KCND3: variants seen among roughly 807,000 people sequenced by gnomAD.
KCND3 encodes potassium voltage-gated channel subfamily D member 3.
In KCND3, 9 loss-of-function variants were observed where a neutral mutation model predicts 51.1. That is an observed-to-expected ratio of 0.18 (90% CI 0.11 to 0.31). The LOEUF is 0.31. Ranked by LOEUF, KCND3 falls within the 10% of genes least tolerant of loss-of-function variation. The pLI, the probability that KCND3 is intolerant of heterozygous loss-of-function variation, is 1.00. For synonymous variants in KCND3, 349 were observed against 368.0 expected, an observed-to-expected ratio of 0.95 and a Z score of 0.59; for missense variants, 526 against 903.8, an observed-to-expected ratio of 0.58 and a Z score of 5.36.
intron 2 of KCND3, among the ~76,000 whole-genome samples, chr1:111,952,313 C>T (rs958966834): frequency 6.6e-6 from 1 of 152,200 alleles, no homozygotes; most frequent in African/African-American, 2.4e-5. Flanking sequence ...CCAACCCTTG[C>T]AGGGCAGGGC....
intron 2 of KCND3, among the ~76,000 whole-genome samples, chr1:111,830,134 AACAGAAACCTCTGTTC>A (rs745560210): frequency 1.1e-3 from 168 of 152,304 alleles, no homozygotes; most frequent in Non-Finnish European, 1.8e-3. Context: ...GCTCTATGAG[AACAGAAACCTCTGTTC>A]ACTGTTATTC....
intron 1 of KCND3, among the ~76,000 whole-genome samples, chr1:111,985,786 C>T (rs1163698501): frequency 6.6e-6 from 1 of 152,204 alleles, no homozygotes; most frequent in Non-Finnish European, 1.5e-5. Flanking sequence ...TGTCACAGGT[C>T]CCTTCTCTCC....
In KCND3 at chr1:111,770,851, C is replaced by A. The variant is rs1468269971; in HGVS notation, c.*5226G>T. The stretch of plus-strand genomic sequence containing the variant: ...AAAGTTTTCATGTTTTATCTTCCTG[C>A]AGTTTTGTACAGTATATTTCTTCTT... On this transcript the variant is annotated 3_prime_UTR_variant, in exon 8 of 8. Transcript: ENST00000302127. 6.6e-6 allele frequency: 1 copy of A among 151,702 alleles called. No individual in the cohort carries two copies. The highest frequency in any genetic ancestry group is 2.4e-5 in the African/African-American group (1 of 41,346). 9.4% of individuals were successfully genotyped at this position (151,702 alleles called of 1,614,324 possible).
At chr1:111,891,262 G>A (rs1259833741) in intron 2 of KCND3, among the ~76,000 whole-genome samples, 1 of 152,156 alleles carries the variant, frequency 6.6e-6, no homozygotes, top group African/African-American at 2.4e-5. Flanking sequence ...GGAAGAGAAT[G>A]GGCAAGAGAT....
intron 2 of KCND3, among the ~76,000 whole-genome samples, chr1:111,954,239 C>T (rs1404127738): frequency 6.6e-6 from 1 of 152,216 alleles, no homozygotes; most frequent in Non-Finnish European, 1.5e-5. Context: ...CTCCCCTCAA[C>T]TGTCCAGTTT....
At chr1:111,960,282 T>A (rs917602080) in intron 2 of KCND3, among the ~76,000 whole-genome samples, 1 of 152,164 alleles carries the variant, frequency 6.6e-6, no homozygotes, top group Non-Finnish European at 1.5e-5. Context: ...CCCATGTAAA[T>A]GCTTCAGGGC....
chr1:111,919,036 C>T (rs1211754246), intron 2 of KCND3, among the ~76,000 whole-genome samples: 1 of 151,636 alleles, frequency 6.6e-6, no homozygotes, highest in African/African-American at 2.4e-5. Flanking sequence ...GCTGTGCTAG[C>T]CCCAGAGCCT....
chr1:111,935,193 T>C (rs1296762503), intron 2 of KCND3, among the ~76,000 whole-genome samples: 11 of 152,236 alleles, frequency 7.2e-5, no homozygotes, highest in African/African-American at 1.9e-4. Flanking sequence ...GTCACTGCCA[T>C]TGGGAACCTT....
intron 2 of KCND3, among the ~76,000 whole-genome samples, chr1:111,931,383 T>C (rs1671962126): frequency 6.6e-6 from 1 of 152,162 alleles, no homozygotes; most frequent in African/African-American, 2.4e-5. Context: ...CAACAGGATG[T>C]GGAAGGAGTC....
chr1:111,961,418 T>C (rs1233411343), intron 2 of KCND3, among the ~76,000 whole-genome samples: 1 of 152,120 alleles, frequency 6.6e-6, no homozygotes, highest in Non-Finnish European at 1.5e-5. Flanking sequence ...TGGAGGCTGG[T>C]GTGATGGGGA....
chr1:111,940,073 G>GTTTTTTTTTTTT (rs61088602), intron 2 of KCND3, among the ~76,000 whole-genome samples: 40 of 85,462 alleles, frequency 4.7e-4, no homozygotes, highest in African/African-American at 6.1e-4. Context: ...CTTTTTGATG[G>GTTTTTTTTTTTT]TTTTTTTTTT....
At chr1:111,960,880 G>A (rs936241473) in intron 2 of KCND3, among the ~76,000 whole-genome samples, 13 of 152,154 alleles carry the variant, frequency 8.5e-5, no homozygotes, top group African/African-American at 3.1e-4. Flanking sequence ...GAGGCCTGGG[G>A]CCATGGCAGT....
intron 2 of KCND3, among the ~76,000 whole-genome samples, chr1:111,865,356 C>G (rs116353465): frequency 6.6e-6 from 1 of 152,152 alleles, no homozygotes; most frequent in Admixed American, 6.5e-5. Context: ...TTTTGAGGAC[C>G]TTCACAGAAA....
intron 1 of KCND3, among the ~76,000 whole-genome samples, chr1:111,985,363 A>G (rs1026374173): frequency 6.6e-6 from 1 of 152,232 alleles, no homozygotes; most frequent in Non-Finnish European, 1.5e-5. Context: ...AAAGGATGTA[A>G]TAAGTAGGCG....
At chr1:111,900,705 C>A (rs1176636321) in intron 2 of KCND3, among the ~76,000 whole-genome samples, 1 of 151,962 alleles carries the variant, frequency 6.6e-6, no homozygotes, top group Non-Finnish European at 1.5e-5. Flanking sequence ...TGCCTGTAAT[C>A]CAGCATTTTG....
At chr1:111,949,183 G>A (rs764150512) in intron 2 of KCND3, among the ~76,000 whole-genome samples, 6 of 152,216 alleles carry the variant, frequency 3.9e-5, no homozygotes, top group Non-Finnish European at 7.3e-5. Flanking sequence ...TAGGATGATA[G>A]TTCTGACTGT....
At position 111,774,055 on chromosome 1, in the gene KCND3, C is replaced by CAGAA. The variant is rs1305260317; in HGVS notation, c.*2021_*2022insTTCT. The CAGAA allele has an allele frequency of 2.0e-5, 3 of 152,226 alleles. No homozygotes were observed. Among genetic ancestry groups the CAGAA allele is most frequent in the African/African-American group, 7.2e-5 (3 of 41,428 alleles). 9.4% of individuals were successfully genotyped at this position (152,226 alleles called of 1,614,324 possible). A position where few individuals can be genotyped will look rare whatever the true frequency, so the allele number is the denominator to read the frequency against. On this transcript the variant is annotated 3_prime_UTR_variant, in exon 8 of 8. Coordinates refer to ENST00000302127, the MANE Select transcript of KCND3 (RefSeq NM_001378969.1). ...CATTAGGGGACCCAGAGAAAGAACT[C>CAGAA]AGCCCATGGTCAATGAGGATAAGCA...
chr1:111,841,133 C>T (rs1048647364), intron 2 of KCND3, among the ~76,000 whole-genome samples: 1 of 152,210 alleles, frequency 6.6e-6, no homozygotes, highest in African/African-American at 2.4e-5. Context: ...TTGCAGTCAT[C>T]TAATTAGTCA....
At chr1:111,853,038 A>G (rs950799457) in intron 2 of KCND3, among the ~76,000 whole-genome samples, 5 of 152,222 alleles carry the variant, frequency 3.3e-5, no homozygotes, top group African/African-American at 1.2e-4. Context: ...GGCACTTTAC[A>G]TGAATTATCC....
Sources: allele counts gnomAD v4.1 joint callset (sites outside exome capture counted in the v4.1 genomes callset), GRCh38; gene constraint gnomAD v4.1.1; transcripts MANE v1.5; gene names NCBI Gene and HGNC (gene_info 2026-07-23, HGNC 2026-07-21).